KMT2B: variants seen among roughly 807,000 people sequenced by gnomAD.
The protein encoded by KMT2B is histone-lysine N-methyltransferase 2B.
A neutral mutation model predicts 255.3 loss-of-function variants in KMT2B; 22 were observed. That is an observed-to-expected ratio of 0.09 (90% CI 0.06 to 0.12). KMT2B has a LOEUF of 0.12. Ranked by LOEUF, KMT2B falls within the 10% of genes least tolerant of loss-of-function variation. The pLI is 1.00. For missense variants in KMT2B, 3,149 were observed against 3,737.0 expected (o/e 0.84, Z 4.10); for synonymous variants, 1,730 against 1,498.1 (o/e 1.15, Z -3.57).
intron 30 of KMT2B, among the ~76,000 whole-genome samples, chr19:35,734,670 C>T (rs1403557648): frequency 6.6e-6 from 1 of 152,076 alleles, no homozygotes; most frequent in African/African-American, 2.4e-5. Flanking sequence ...GTGGAGGCCC[C>T]TGGAGGAGGC....
chr19:35,737,131 T>C lies in KMT2B; in HGVS notation c.7418T>C (p.Ile2473Thr). Reference sequence around the variant, plus strand: ...CTGGGCATCCACCATGATGCTGTCATCTTCCTGGCCGAGCAGCTCCCCGGA... The same window carrying C: ...CTGGGCATCCACCATGATGCTGTCACCTTCCTGGCCGAGCAGCTCCCCGGA... ...RLLGIHHDAV[I>T]FLAEQLPGAQ... is the part of the protein sequence containing the mutation. The change falls in exon 33 of 37, where the codon ATC (isoleucine) becomes ACC (threonine). Residue 2473 changes from isoleucine to threonine, a missense_variant. Around this residue, in one of 18 missense-constraint regions of KMT2B, gnomAD observed 103 missense variants for 200.7 expected, o/e 0.51. Transcript: ENST00000420124. This position sits in a 1 kb window ranked among gnomAD's most constrained non-coding sequence, Gnocchi z 5.3. 6.2e-7 allele frequency: 1 copy of C among 1,610,994 alleles called. No homozygotes were observed. Among genetic ancestry groups the C allele is most frequent in the South Asian group, 1.1e-5 (1 of 90,708 alleles).
rs1332899160 is a variant in KMT2B at position 35,725,852 on chromosome 19, C to T, written c.3885+34C>T. The T allele has an allele frequency of 3.3e-6, 5 of 1,517,054 alleles. No homozygotes were observed. Among genetic ancestry groups the T allele is most frequent in the Non-Finnish European group, 2.7e-6 (3 of 1,115,416 alleles). The allele number at this position is 1,517,054 out of a possible 1,614,324, so 94.0% of individuals were successfully genotyped here. A position where few individuals can be genotyped will look rare whatever the true frequency, so the allele number is the denominator to read the frequency against. ...TGAGGTTCACCCACTTGCTTTGTCT[C>T]TAATGAATATCACCACCACCCCCAA... On this transcript the variant is annotated intron_variant, in intron 13 of 36. Coordinates refer to ENST00000420124, the MANE Select transcript of KMT2B (RefSeq NM_014727.3). This position sits in a 1 kb window ranked among gnomAD's most constrained non-coding sequence, Gnocchi z 4.1.
intron 2 of KMT2B, 70 bp from the exon 3 acceptor site, chr19:35,719,714 C>T (rs1467776709): frequency 9.1e-6 from 14 of 1,532,432 alleles, no homozygotes; most frequent in Non-Finnish European, 9.6e-6. Flanking sequence ...TAGTCCCTGC[C>T]CTCCTGGAGC....
intron 26 of KMT2B, among the ~76,000 whole-genome samples, chr19:35,731,375 A>G (rs1326899905): frequency 6.6e-6 from 1 of 152,216 alleles, no homozygotes; most frequent in Admixed American, 6.5e-5. Context: ...TGGGCAGAGC[A>G]GGAGGCAGAA....
chr19:35,733,264 C>A lies in KMT2B; in HGVS notation c.6715C>A (p.Leu2239Ile). ...CTCCTGGACTCTGCCCCCAGGCCCCCTCCTCGGCGTGCTGCCCGTGGTCGG... is the reference window on the plus strand; with the variant it reads ...CTCCTGGACTCTGCCCCCAGGCCCCATCCTCGGCGTGCTGCCCGTGGTCGG... Reference protein sequence around the residue: ...PTSWTLPPGPLLGVLPVVGVV... With the variant: ...PTSWTLPPGPILGVLPVVGVV... The change falls in exon 28 of 37, where the codon CTC (leucine) becomes ATC (isoleucine). Residue 2239 changes from leucine to isoleucine, a missense_variant. Physicochemically the swap from Leu to Ile is conservative, Grantham distance 5 (BLOSUM62 2). Transcript: ENST00000420124. This position sits in a 1 kb window ranked among gnomAD's most constrained non-coding sequence, Gnocchi z 4.3. The A allele has an allele frequency of 2.0e-6, 3 of 1,483,070 alleles. No homozygotes were observed. The highest frequency in any genetic ancestry group is 2.8e-6 in the Non-Finnish European group (3 of 1,088,906). The allele number at this position is 1,483,070 out of a possible 1,614,324, so 91.9% of individuals were successfully genotyped here.
rs368495518 is a variant in KMT2B at position 35,736,755 on chromosome 19, C to T, written c.7225C>T (p.Arg2409Trp). ...PDDKENQAPK[R>W]TGPHLRFEIS... ...TGATAAAGAGAACCAGGCCCCAAAA[C>T]GGACTGGCCCACATCTGCGCTTCGA... The change falls in exon 31 of 37, where the codon CGG becomes TGG. Residue 2409 changes from arginine (R) to tryptophan (W), a missense_variant. Physicochemically the swap from Arg to Trp is moderately radical, Grantham distance 101 (BLOSUM62 -3). Around this residue, in one of 18 missense-constraint regions of KMT2B, gnomAD observed 103 missense variants for 200.7 expected, o/e 0.51. Coordinates refer to ENST00000420124, the MANE Select transcript of KMT2B (RefSeq NM_014727.3). 3.7e-6 allele frequency: 6 copies of T among 1,613,978 alleles called. No homozygotes were observed. Among genetic ancestry groups the T allele is most frequent in the East Asian group, 2.2e-5 (1 of 44,880 alleles).
Position 35,723,269 on chromosome 19 carries a change from C to T in KMT2B, c.2997C>T (p.Cys999=), listed in dbSNP as rs1351976983. 6.2e-7 allele frequency: 1 copy of T among 1,611,800 alleles called. No homozygotes were observed. The highest frequency in any genetic ancestry group is 8.5e-7 in the Non-Finnish European group (1 of 1,178,984). ...KFGGPNTKKQ[C]CVYRKCDKIE... is the part of the protein sequence containing the mutation. ...GGGGCCCTAACACCAAGAAGCAGTG[C>T]TGTGTGTGAGTAGCTGGGGCGTGAC... The change falls in exon 6 of 37, where the codon TGC becomes TGT. Residue 999 remains cysteine, a synonymous_variant. Coordinates refer to ENST00000420124, the MANE Select transcript of KMT2B (RefSeq NM_014727.3). This position sits in a 1 kb window ranked among gnomAD's most constrained non-coding sequence, Gnocchi z 7.5.
At position 35,721,635 on chromosome 19, in the gene KMT2B, C is replaced by A. The variant is rs370359238; in HGVS notation, c.2288C>A (p.Pro763Gln). ...LPPPQPQLQP[P>Q]PSPQQMPPLE... is the part of the protein sequence containing the mutation. ...CCACCACAGCCACAGCTGCAGCCAC[C>A]GCCGTCACCACAGCAGATGCCTCCC... Residue 763 changes from proline to glutamine, a missense_variant, in exon 3 of 37, where the codon CCG becomes CAG. This residue lies in a region of KMT2B where 1,188 missense variants were observed against 1,106.4 expected (regional missense o/e 1.07). Transcript: ENST00000420124. The A allele has an allele frequency of 2.0e-5, 32 of 1,610,338 alleles. No individual in the cohort carries two copies. The Admixed American group carries it at 3.3e-4, about 17-fold the overall frequency.
chr19:35,721,243 C>A lies in KMT2B; in HGVS notation c.1896C>A (p.Ser632=). 1 of 1,514,318 alleles carries A rather than the reference C, an allele frequency of 6.6e-7. No homozygotes were observed. The highest frequency in any genetic ancestry group is 8.9e-7 in the Non-Finnish European group (1 of 1,126,384). 93.8% of individuals were successfully genotyped at this position (1,514,318 alleles called of 1,614,324 possible). A position where few individuals can be genotyped will look rare whatever the true frequency, so the allele number is the denominator to read the frequency against. ...CCCCTCCACCTCCCCCGGCCCCCTC[C>A]CCACCCCCTGCTCCTGCCACCTCCT... ...PPAPPPPPAP[S]PPPAPATSSR... The change falls in exon 3 of 37, where the codon TCC becomes TCA. Residue 632 remains serine, a synonymous_variant. Transcript: ENST00000420124.
In KMT2B at chr19:35,732,374, C is replaced by T; in HGVS notation, c.5825C>T (p.Pro1942Leu). ...AAAACCTCCCCTCAGCTCAGGGTGC[C>T]CCCTCCTACCTCAGTCGTCACAGCC... The part of the protein sequence containing the change: ...PLKTSPQLRV[P>L]PPTSVVTALT... The change falls in exon 28 of 37, where the codon CCC (proline) becomes CTC (leucine). Residue 1942 changes from proline (P) to leucine (L), a missense_variant. Pro to Leu is a moderately conservative substitution (Grantham distance 98). Coordinates refer to ENST00000420124, the MANE Select transcript of KMT2B (RefSeq NM_014727.3). 3 of 1,613,046 alleles carry T rather than the reference C, an allele frequency of 1.9e-6. No individual in the cohort carries two copies. Among genetic ancestry groups the T allele is most frequent in the East Asian group, 2.2e-5 (1 of 44,826 alleles).
rs1338315804 is a variant in KMT2B, at chr19:35,727,634, C to T, written c.4302+12C>T. The T allele has an allele frequency of 1.2e-6, 2 of 1,611,230 alleles. No homozygotes were observed. Among genetic ancestry groups the T allele is most frequent in the African/African-American group, 1.3e-5 (1 of 74,896 alleles). On this transcript the variant is annotated intron_variant, in intron 16 of 36. Transcript: ENST00000420124. This position sits in a 1 kb window ranked among gnomAD's most constrained non-coding sequence, Gnocchi z 4.2. ...TGCTCTGCACCCAGGTCTGGAGGGC[C>T]CTGGAGGCAGGATGGGCCGGGGCTA... is the stretch of plus-strand genomic sequence containing the variant.
rs1969188853 is a variant in KMT2B at position 35,721,227 on chromosome 19, C to T, written c.1880C>T (p.Pro627Leu). The change falls in exon 3 of 37, where the codon CCT (proline) becomes CTT (leucine). Residue 627 changes from proline to leucine, a missense_variant. Pro to Leu is a moderately conservative substitution (Grantham distance 98, BLOSUM62 -3). This residue lies in a region of KMT2B where 1,188 missense variants were observed against 1,106.4 expected (regional missense o/e 1.07). Transcript: ENST00000420124. ...CCCCCTCCTCCCCCAGCCCCTCCAC[C>T]TCCCCCGGCCCCCTCCCCACCCCCT... Reference protein sequence around the residue: ...ELPPPPPAPPPPPAPSPPPAP... With the variant: ...ELPPPPPAPPLPPAPSPPPAP... The T allele has an allele frequency of 6.8e-7, 1 of 1,469,986 alleles. No homozygotes were observed. Among genetic ancestry groups the T allele is most frequent in the African/African-American group, 1.4e-5 (1 of 69,018 alleles). 91.1% of individuals were successfully genotyped at this position (1,469,986 alleles called of 1,614,324 possible).
At chr19:35,724,168 C>T (rs1568372683) in intron 8 of KMT2B, among the ~76,000 whole-genome samples, 161 bp downstream of exon 8, 1 of 152,052 alleles carries the variant, frequency 6.6e-6, no homozygotes, top group Non-Finnish European at 1.5e-5. Context: ...ACAGAACTGG[C>T]CTATGAGGTT....
chr19:35,729,303 G>C lies in KMT2B; in HGVS notation c.4917+7G>C. 6.3e-7 allele frequency: 1 copy of C among 1,589,772 alleles called. No homozygotes were observed. Among genetic ancestry groups the C allele is most frequent in the Admixed American group, 1.8e-5 (1 of 56,208 alleles). ...GGCCCGAGGGAGGCAGATGGTGAGG[G>C]CGCGGGCGCAGAGAGGTGGACAGCT... On this transcript the variant is annotated splice_region_variant and intron_variant, in intron 22 of 36. Transcript: ENST00000420124.
chr19:35,718,292 G>T lies in KMT2B; in HGVS notation c.274G>T (p.Gly92Cys). 3.3e-6 allele frequency: 4 copies of T among 1,228,624 alleles called. No homozygotes were observed. The highest frequency in any genetic ancestry group is 2.0e-6 in the Non-Finnish European group (2 of 977,154). 76.1% of individuals were successfully genotyped at this position (1,228,624 alleles called of 1,614,324 possible). A position where few individuals can be genotyped will look rare whatever the true frequency, so the allele number is the denominator to read the frequency against. ...RLWAGPRVQR[G>C]RGRGRGRGWG... Reference sequence around the variant, plus strand: ...GTGGGCCGGCCCGCGGGTCCAGCGGGGCCGGGGACGGGGTCGGGGCCGGGG... The same window carrying T: ...GTGGGCCGGCCCGCGGGTCCAGCGGTGCCGGGGACGGGGTCGGGGCCGGGG... Residue 92 changes from glycine (G) to cysteine (C), a missense_variant, in exon 1 of 37, where the codon GGC becomes TGC. Transcript: ENST00000420124. The surrounding 1 kb of genome is among the most constrained non-coding windows in gnomAD (Gnocchi z 5.0).
chr19:35,734,231 A>C (rs1969835162), intron 30 of KMT2B, among the ~76,000 whole-genome samples: 1 of 152,030 alleles, frequency 6.6e-6, no homozygotes, highest in Non-Finnish European at 1.5e-5. Flanking sequence ...TAGCACCGAG[A>C]TGAGGGTCAG....
Position 35,722,429 on chromosome 19 carries a change from G to T in KMT2B, c.2528G>T (p.Arg843Leu), listed in dbSNP as rs765533021. 1.9e-6 allele frequency: 3 copies of T among 1,610,358 alleles called. No homozygotes were observed. Among genetic ancestry groups the T allele is most frequent in the East Asian group, 2.2e-5 (1 of 44,886 alleles). ...VKQISDRGPV[R>L]SEDESVEAKR... ...CAGATCTCCGACAGAGGCCCTGTCC[G>T]GTCTGAAGATGAGTCGGTGGAAGCT... The change falls in exon 4 of 37, where the codon CGG becomes CTG. Residue 843 changes from arginine (R) to leucine (L), a missense_variant. Physicochemically the swap from Arg to Leu is moderately radical, Grantham distance 102. This residue lies in a region of KMT2B where 1,188 missense variants were observed against 1,106.4 expected (regional missense o/e 1.07). Transcript: ENST00000420124.
Position 35,727,344 on chromosome 19 carries a change from ACTGGTGGG to A in KMT2B, c.4117+78_4118-84del. 1 of 1,566,604 alleles carries A rather than the reference ACTGGTGGG, an allele frequency of 6.4e-7. No individual in the cohort carries two copies. The highest frequency in any genetic ancestry group is 8.8e-7 in the Non-Finnish European group (1 of 1,137,696). On this transcript the variant is annotated intron_variant, in intron 15 of 36. Coordinates refer to ENST00000420124, the MANE Select transcript of KMT2B (RefSeq NM_014727.3). The surrounding 1 kb of genome is among the most constrained non-coding windows in gnomAD (Gnocchi z 4.2). ...TGCCCCCACCACAGGCCCCAAGAGG[ACTGGTGGG>A]CTAAGGGTCCTTGCTGGCCTAGGGG...
chr19:35,720,547 G>A lies in KMT2B; in HGVS notation c.1200G>A (p.Lys400=). The change falls in exon 3 of 37, where the codon AAG becomes AAA. Residue 400 remains lysine, a synonymous_variant. Transcript: ENST00000420124. ...CAGCTGCGGAAAAGGAAGAGGCAAA[G>A]CTGCCACCACCGCCTCTGACTCCTC... The part of the protein sequence containing the change: ...MMPAAEKEEA[K]LPPPPLTPPA... The A allele has an allele frequency of 6.5e-7, 1 of 1,546,932 alleles. No homozygotes were observed. The highest frequency in any genetic ancestry group is 8.7e-7 in the Non-Finnish European group (1 of 1,144,592).
Sources: gnomAD v4.1 joint callset for allele counts (sites outside exome capture counted in the v4.1 genomes callset) on GRCh38, gnomAD v4.1.1 for gene constraint, gnomAD v4.1.1 regional missense constraint, Gnocchi (gnomAD v3.1) non-coding constraint, MANE v1.5 for transcripts, NCBI Gene and HGNC (gene_info 2026-07-23, HGNC 2026-07-21) for gene names.